XRCC1: variants seen among roughly 807,000 people sequenced by gnomAD.
The protein encoded by XRCC1 is DNA repair protein XRCC1.
Under a neutral mutation model 83.3 loss-of-function variants are expected in XRCC1, and 52 were observed. That is an observed-to-expected ratio of 0.62 (90% confidence interval 0.50 to 0.79). XRCC1 has a LOEUF of 0.79. Among genes scored for constraint, XRCC1 ranks in the 30% least tolerant of loss-of-function variants. The pLI, the probability that XRCC1 is intolerant of heterozygous loss-of-function variation, is 0.00. For synonymous variants in XRCC1, 281 were observed against 312.6 expected (o/e 0.90, Z 1.07); for missense variants, 793 against 823.5 (o/e 0.96, Z 0.45).
chr19:43,568,524 A>AAG (rs1972776181), intron 2 of XRCC1, among the ~76,000 whole-genome samples: 1 of 151,482 alleles, frequency 6.6e-6, no homozygotes, highest in African/African-American at 2.4e-5. Context: ...AAGTAAGTAA[A>AAG]TAAATAAATA....
intron 8 of XRCC1, among the ~76,000 whole-genome samples, 175 bp from the exon 9 acceptor site, chr19:43,552,450 CA>C (rs1281467582): frequency 2.0e-5 from 3 of 146,850 alleles, no homozygotes; most frequent in Non-Finnish European, 4.5e-5. Flanking sequence ...CCTCCTCCCT[CA>C]GACCCAGGAG....
In XRCC1 at chr19:43,552,810, G is replaced by A. The variant is rs1198362227; in HGVS notation, c.810C>T (p.Pro270=). The change falls in exon 8 of 17, where the codon CCC becomes CCT. Residue 270 remains proline, a synonymous_variant. Transcript: ENST00000262887. ...TAGTTAGCTCACATTTAGGTCTCTT[G>A]GGAACAGATGGCGACAGCTGGGCTG... ...KPPAQLSPSV[P]KRPKLPAPTR... 1 of 1,609,528 alleles carries A rather than the reference G, an allele frequency of 6.2e-7. No homozygotes were observed.
At chr19:43,552,930 G>A (rs751127240) in intron 7 of XRCC1, 22 bp from the exon 8 acceptor site, 2 of 1,611,980 alleles carry the variant, frequency 1.2e-6, no homozygotes, top group Non-Finnish European at 1.7e-6. Context: ...GGGATGGATT[G>A]AGGCCTCCAG....
At chr19:43,559,647 A>G (rs1259002983) in intron 3 of XRCC1, among the ~76,000 whole-genome samples, 1 of 152,190 alleles carries the variant, frequency 6.6e-6, no homozygotes, top group Non-Finnish European at 1.5e-5. Flanking sequence ...ACAGCTCCTC[A>G]AAGATGTTTA....
chr19:43,573,586 C>A (rs1230862384), intron 2 of XRCC1, among the ~76,000 whole-genome samples: 1 of 152,016 alleles, frequency 6.6e-6, no homozygotes, highest in Non-Finnish European at 1.5e-5. Context: ...ATAAAGCAGC[C>A]CCCAGGCCAG....
chr19:43,549,000 A>G (rs904807984), intron 10 of XRCC1, among the ~76,000 whole-genome samples: 5 of 152,140 alleles, frequency 3.3e-5, no homozygotes. Context: ...TTTCTGAGAC[A>G]TACATGTTAA....
In XRCC1 at chr19:43,552,878, A is replaced by G. The variant is rs763738997; in HGVS notation, c.742T>C (p.Leu248=). Residue 248 remains leucine (L), a synonymous_variant, in exon 8 of 17, where the codon TTG becomes CTG. Coordinates refer to ENST00000262887, the MANE Select transcript of XRCC1 (RefSeq NM_006297.3). ...TTCTTTTCTTCTTGGTTCAAATCCA[A>G]CTTCCTCTTCCCTTTGGGAGACTCC... ...PQESPKGKRK[L]DLNQEEKKTP... 14 of 1,613,376 alleles carry G rather than the reference A, an allele frequency of 8.7e-6. No individual in the cohort carries two copies. The highest frequency in any genetic ancestry group is 1.7e-5 in the Admixed American group (1 of 59,846).
intron 5 of XRCC1, 46 bp downstream of exon 5, chr19:43,553,563 T>A (rs371541695): frequency 1.2e-6 from 2 of 1,611,174 alleles, no homozygotes; most frequent in African/African-American, 1.3e-5. Flanking sequence ...CAGGTGGGGG[T>A]GGAGAGGCAG....
chr19:43,551,248 G>A (rs575746108), intron 10 of XRCC1, among the ~76,000 whole-genome samples: 3 of 152,350 alleles, frequency 2.0e-5, no homozygotes, highest in South Asian at 2.1e-4. Flanking sequence ...GATTACAGGC[G>A]TGAGCCACTG....
intron 12 of XRCC1, 125 bp from the exon 13 acceptor site, chr19:43,546,231 G>T (rs1384438833): frequency 1.0e-5 from 11 of 1,098,364 alleles, no homozygotes; most frequent in South Asian, 2.7e-5. Context: ...AGATCCAGTC[G>T]TCTGGGCCCC....
chr19:43,543,862 C>T (rs1219471322), intron 15 of XRCC1, among the ~76,000 whole-genome samples, 175 bp from the exon 16 acceptor site: 1 of 152,152 alleles, frequency 6.6e-6, no homozygotes, highest in Non-Finnish European at 1.5e-5. Flanking sequence ...ATGACCAGAG[C>T]TCCCACAGTG....
intron 2 of XRCC1, among the ~76,000 whole-genome samples, chr19:43,568,900 C>T (rs1324079784): frequency 1.3e-5 from 2 of 151,342 alleles, no homozygotes; most frequent in African/African-American, 2.4e-5. Context: ...ATAATAAAAC[C>T]CCAATGGCCA....
intron 2 of XRCC1, among the ~76,000 whole-genome samples, chr19:43,562,987 A>G (rs1458129587): frequency 6.6e-6 from 1 of 152,220 alleles, no homozygotes; most frequent in Non-Finnish European, 1.5e-5. Flanking sequence ...GTGGGTGGCA[A>G]AGCCGGACCG....
intron 3 of XRCC1, among the ~76,000 whole-genome samples, chr19:43,557,265 C>A (rs1237448167): frequency 7.0e-6 from 1 of 143,428 alleles, no homozygotes; most frequent in Admixed American, 7.2e-5. Context: ...GCCAAGATTG[C>A]GCCACTGCAC....
chr19:43,565,893 G>A (rs943088451), intron 2 of XRCC1, among the ~76,000 whole-genome samples: 11 of 151,954 alleles, frequency 7.2e-5, no homozygotes, highest in Admixed American at 3.3e-4. Context: ...GAGTTGAGAC[G>A]AGCCACTACA....
Position 43,545,873 on chromosome 19 carries a change from G to A in XRCC1, c.1566C>T (p.Asn522=). The part of the protein sequence containing the change: ...EDPYAGSTDE[N]TDSEEHQEPP... ...GCTCCTGGTGTTCCTCACTGTCCGT[G>A]TTCTCATCCGTGGAGCCTGCATACG... is the stretch of plus-strand genomic sequence containing the variant. The change falls in exon 14 of 17, where the codon AAC becomes AAT. Residue 522 remains asparagine, a synonymous_variant. Transcript: ENST00000262887. 1 of 1,613,222 alleles carries A rather than the reference G, an allele frequency of 6.2e-7. No homozygotes were observed. Among genetic ancestry groups the A allele is most frequent in the Middle Eastern group, 1.7e-4 (1 of 6,058 alleles).
At chr19:43,560,693 A>G (rs1042890031) in intron 3 of XRCC1, among the ~76,000 whole-genome samples, 3 of 152,208 alleles carry the variant, frequency 2.0e-5, no homozygotes, top group Non-Finnish European at 1.5e-5. Context: ...TGTCATTTTA[A>G]GCCATGATCC....
intron 2 of XRCC1, 30 bp from the exon 3 acceptor site, chr19:43,561,050 T>A (rs1199602267): frequency 6.5e-7 from 1 of 1,529,442 alleles, no homozygotes; most frequent in East Asian, 2.2e-5. Flanking sequence ...CCACTGTCAG[T>A]GCCTGCTCTG....
chr19:43,549,486 C>T (rs1306579285), intron 10 of XRCC1, among the ~76,000 whole-genome samples: 1 of 152,178 alleles, frequency 6.6e-6, no homozygotes, highest in Admixed American at 6.5e-5. Flanking sequence ...GTCTCAAACT[C>T]CTGATGTCAC....
Sources: gnomAD v4.1 joint callset for allele counts (sites outside exome capture counted in the v4.1 genomes callset) on GRCh38, gnomAD v4.1.1 for gene constraint, MANE v1.5 for transcripts, NCBI Gene and HGNC (gene_info 2026-07-23, HGNC 2026-07-21) for gene names.